UBE2W: variants seen among roughly 807,000 people sequenced by gnomAD.
UBE2W encodes the protein ubiquitin-conjugating enzyme E2 W.
A neutral mutation model predicts 27.2 loss-of-function variants in UBE2W; 18 were observed. The ratio of observed to expected loss-of-function variants is 0.66; its 90% CI spans 0.46 to 0.98. The LOEUF (loss-of-function observed/expected upper bound fraction) is 0.98, where lower values mean the gene tolerates loss of function less well. Among genes scored for constraint, UBE2W ranks in the 50% least tolerant of loss-of-function variants. The pLI, the probability that UBE2W is intolerant of heterozygous loss-of-function variation, is 0.00. For missense variants in UBE2W, 90 were observed against 180.2 expected (o/e 0.50, Z 2.87); for synonymous variants, 53 against 57.2 (o/e 0.93, Z 0.33).
downstream of UBE2W, among the ~76,000 whole-genome samples, chr8:73,784,005 C>T (rs1219663339): frequency 6.6e-6 from 1 of 152,160 alleles, no homozygotes; most frequent in East Asian, 1.9e-4. Flanking sequence ...CCCGTCTCAG[C>T]CTCCCAGAGT....
chr8:73,804,002 G>C (rs1462279229), intron 5 of UBE2W, among the ~76,000 whole-genome samples: 4 of 151,706 alleles, frequency 2.6e-5, no homozygotes, highest in African/African-American at 9.7e-5. Context: ...TCCTGGTCTC[G>C]TGATCCACCC....
intron 1 of UBE2W, among the ~76,000 whole-genome samples, chr8:73,873,203 T>C (rs949338651): frequency 6.6e-6 from 1 of 152,178 alleles, no homozygotes; most frequent in African/African-American, 2.4e-5. Flanking sequence ...GCCACCATGC[T>C]GGCCTATTTT....
At chr8:73,847,903 A>C (rs541181549) in intron 1 of UBE2W, among the ~76,000 whole-genome samples, 68 of 148,100 alleles carry the variant, frequency 4.6e-4, no homozygotes, top group African/African-American at 1.4e-3. Context: ...ACTCTGTCTC[A>C]AAAAAAAAAT....
Position 73,788,281 on chromosome 8 carries a change from T to A in UBE2W, c.*5821A>T, listed in dbSNP as rs1454228099. On this transcript the variant is annotated 3_prime_UTR_variant, in exon 6 of 6. Coordinates refer to ENST00000602593, the MANE Select transcript of UBE2W (RefSeq NM_018299.6). ...TATTCTATTTAAAAAGTAGTGACTTTACATATTTTGCAACTTGAGTTTATA... is the reference window on the plus strand; with the variant it reads ...TATTCTATTTAAAAAGTAGTGACTTAACATATTTTGCAACTTGAGTTTATA... The A allele has an allele frequency of 1.0e-6, 1 of 976,752 alleles. No individual in the cohort carries two copies. 60.5% of individuals were successfully genotyped at this position (976,752 alleles called of 1,614,324 possible).
At chr8:73,831,326 C>G (rs1160028844) in intron 1 of UBE2W, 3 of 189,766 alleles carry the variant, frequency 1.6e-5, no homozygotes, top group African/African-American at 7.1e-5. Context: ...GCAAGATAAG[C>G]AGATGCAAGA....
At chr8:73,852,988 T>C (rs1324337483) in intron 1 of UBE2W, among the ~76,000 whole-genome samples, 1 of 152,204 alleles carries the variant, frequency 6.6e-6, no homozygotes, top group Non-Finnish European at 1.5e-5. Flanking sequence ...CCAAAATTCA[T>C]ATGCTGAAAT....
intron 4 of UBE2W, among the ~76,000 whole-genome samples, chr8:73,806,495 C>T (rs1318962900): frequency 2.7e-5 from 4 of 146,784 alleles, no homozygotes; most frequent in South Asian, 2.1e-4. Flanking sequence ...GCCAGGAGAT[C>T]GAGACCATCC....
chr8:73,817,983 A>G (rs549433421), intron 3 of UBE2W, among the ~76,000 whole-genome samples: 17 of 152,328 alleles, frequency 1.1e-4, no homozygotes, highest in African/African-American at 3.8e-4. Flanking sequence ...ACAAGAGCCC[A>G]TGCTCACAAA....
intron 1 of UBE2W, among the ~76,000 whole-genome samples, chr8:73,875,140 GA>G (rs1237116223): frequency 6.6e-6 from 1 of 152,188 alleles, no homozygotes; most frequent in African/African-American, 2.4e-5. Flanking sequence ...AAGAAAAAAA[GA>G]AAATGAGTAA....
chr8:73,835,426 C>G (rs1810266120), intron 1 of UBE2W, among the ~76,000 whole-genome samples: 1 of 152,110 alleles, frequency 6.6e-6, no homozygotes, highest in Admixed American at 6.6e-5. Flanking sequence ...GTGTCACTCC[C>G]AAGATTAGAT....
chr8:73,861,527 T>A (rs1310568853), intron 1 of UBE2W, among the ~76,000 whole-genome samples: 5 of 152,162 alleles, frequency 3.3e-5, no homozygotes, highest in Non-Finnish European at 7.4e-5. Flanking sequence ...CAGGATGGTC[T>A]CAACTCCTGG....
intron 2 of UBE2W, among the ~76,000 whole-genome samples, chr8:73,825,888 C>A (rs1334480069): frequency 2.0e-5 from 3 of 152,114 alleles, no homozygotes. Flanking sequence ...CTTATTTTTT[C>A]AAAGTACCAT....
intron 1 of UBE2W, among the ~76,000 whole-genome samples, chr8:73,841,171 T>A (rs1233220038): frequency 2.0e-5 from 3 of 152,208 alleles, no homozygotes; most frequent in Non-Finnish European, 4.4e-5. Context: ...CACATTAATA[T>A]TAATAGCACT....
intron 1 of UBE2W, among the ~76,000 whole-genome samples, chr8:73,832,679 A>AT (rs767117253): frequency 4.9e-4 from 75 of 152,200 alleles, no homozygotes; most frequent in Non-Finnish European, 8.5e-4. Context: ...ACTGTTTCGG[A>AT]TTTACTGGTT....
Position 73,865,180 on chromosome 8 carries a change from CAAAAAAAAAAAA to C in UBE2W, c.15+13616_15+13627del, listed in dbSNP as rs11354153. Among the ~76,000 whole-genome samples, 28 of 32,856 alleles carry C rather than the reference CAAAAAAAAAAAA, an allele frequency of 8.5e-4. 1 individual carries two copies. The highest frequency in any genetic ancestry group is 1.8e-3 in the African/African-American group (21 of 11,940). The allele number at this position is 32,856 out of a possible 152,430, so 21.6% of individuals were successfully genotyped here. On this transcript the variant is annotated intron_variant, in intron 1 of 5. Coordinates refer to ENST00000602593, the MANE Select transcript of UBE2W (RefSeq NM_018299.6). ...CACTGCTCTTTAAGTGTGCAAACGT[CAAAAAAAAAAAA>C]AAAAAAAAAAAAAAAGCACTGCGAG...
intron 4 of UBE2W, among the ~76,000 whole-genome samples, chr8:73,807,119 T>C (rs1463421466): frequency 6.6e-6 from 1 of 152,270 alleles, no homozygotes; most frequent in Non-Finnish European, 1.5e-5. Flanking sequence ...TATTAAAGTT[T>C]ATAGATACTA....
At chr8:73,838,148 G>A (rs1341697757) in intron 1 of UBE2W, among the ~76,000 whole-genome samples, 1 of 152,162 alleles carries the variant, frequency 6.6e-6, no homozygotes, top group Non-Finnish European at 1.5e-5. Flanking sequence ...ATAATGGTAT[G>A]TAAATGATTA....
At chr8:73,837,893 G>A (rs946928522) in intron 1 of UBE2W, among the ~76,000 whole-genome samples, 2 of 152,186 alleles carry the variant, frequency 1.3e-5, no homozygotes, top group Non-Finnish European at 2.9e-5. Flanking sequence ...AAGGCCTAAA[G>A]TTATTTGCAA....
chr8:73,782,102 G>A (rs528669410), downstream of UBE2W, among the ~76,000 whole-genome samples: 5 of 145,074 alleles, frequency 3.4e-5, no homozygotes, highest in African/African-American at 8.6e-5. Context: ...CACTAGGCCC[G>A]GCTAATTTTT....
Sources: gnomAD v4.1 joint callset for allele counts (sites outside exome capture counted in the v4.1 genomes callset) on GRCh38, gnomAD v4.1.1 for gene constraint, MANE v1.5 for transcripts, NCBI Gene and HGNC (gene_info 2026-07-23, HGNC 2026-07-21) for gene names.